Variants in DNAJC18 observed in about 807,000 individuals in gnomAD.
DNAJC18 encodes the protein DnaJ heat shock protein family (Hsp40) member C18.
Under a neutral mutation model 48.6 loss-of-function variants are expected in DNAJC18, and 40 were observed. That is an observed-to-expected ratio of 0.82 (90% CI 0.64 to 1.07). The LOEUF is 1.07. DNAJC18 is among the 50% of genes least tolerant of loss of function. The pLI, the probability that DNAJC18 is intolerant of heterozygous loss-of-function variation, is 0.00. For synonymous variants in DNAJC18, 135 were observed against 152.2 expected, an observed-to-expected ratio of 0.89 and a Z score of 0.83; for missense variants, 340 against 427.7, an observed-to-expected ratio of 0.79 and a Z score of 1.81.
At chr5:139,438,706 C>T (rs1750732672) in intron 1 of DNAJC18, among the ~76,000 whole-genome samples, 1 of 152,204 alleles carries the variant, frequency 6.6e-6, no homozygotes, top group Non-Finnish European at 1.5e-5. Flanking sequence ...TTCTTGTCAC[C>T]ATTTGTAACA....
chr5:139,421,391 G>A (rs1211401015), intron 6 of DNAJC18, among the ~76,000 whole-genome samples: 1 of 152,198 alleles, frequency 6.6e-6, no homozygotes. Context: ...GGGGATTACA[G>A]TGAGCCAAGA....
At chr5:139,417,295 T>C (rs1370535499) in intron 7 of DNAJC18, among the ~76,000 whole-genome samples, 2 of 152,168 alleles carry the variant, frequency 1.3e-5, no homozygotes, top group East Asian at 3.8e-4. Context: ...CTAACCTTGC[T>C]AAAAACAGTT....
intron 5 of DNAJC18, among the ~76,000 whole-genome samples, chr5:139,423,390 C>CTT (rs34518006): frequency 7.1e-6 from 1 of 139,904 alleles, no homozygotes; most frequent in Non-Finnish European, 1.6e-5. Context: ...TTTGGATTTC[C>CTT]TTTTTTTTTT....
At chr5:139,419,836 C>T (rs144365380) in intron 7 of DNAJC18, among the ~76,000 whole-genome samples, 7 of 152,266 alleles carry the variant, frequency 4.6e-5, no homozygotes, top group South Asian at 2.1e-4. Flanking sequence ...TGACTAGTGC[C>T]GCCTAAATTC....
At chr5:139,425,159 C>T in intron 4 of DNAJC18, 45 bp from the exon 5 acceptor site, 1 of 1,532,408 alleles carries the variant, frequency 6.5e-7, no homozygotes, top group Admixed American at 1.8e-5. Context: ...ACACTCCTTC[C>T]CTGCCTTTTT....
intron 2 of DNAJC18, among the ~76,000 whole-genome samples, chr5:139,434,099 C>T (rs920756259): frequency 2.6e-5 from 4 of 152,140 alleles, no homozygotes; most frequent in Non-Finnish European, 5.9e-5. Context: ...CCGTGTTGCC[C>T]AGGCTGGTCT....
At chr5:139,438,150 A>G (rs1005892429) in intron 1 of DNAJC18, among the ~76,000 whole-genome samples, 1 of 151,974 alleles carries the variant, frequency 6.6e-6, no homozygotes, top group Non-Finnish European at 1.5e-5. Flanking sequence ...CTCCGTCTCT[A>G]CTAAAAATAC....
Position 139,439,344 on chromosome 5 carries a change from A to C in DNAJC18, c.40+62T>G. On this transcript the variant is annotated intron_variant, in intron 1 of 7. Coordinates refer to ENST00000302060, the MANE Select transcript of DNAJC18 (RefSeq NM_152686.4). This position sits in a 1 kb window ranked among gnomAD's most constrained non-coding sequence, Gnocchi z 4.1. ...ATCTCAGCCCTTGTGCGTCTTCAGG[A>C]TCCTCATCCCTGATCTCTCCCGAAG... 2 of 1,612,388 alleles carry C rather than the reference A, an allele frequency of 1.2e-6. No homozygotes were observed. Among genetic ancestry groups the C allele is most frequent in the Non-Finnish European group, 1.7e-6 (2 of 1,178,522 alleles).
chr5:139,422,775 T>G lies in DNAJC18; in HGVS notation c.712A>C (p.Ile238Leu), dbSNP rs150021895. ...AFIQLLPVLV[I>L]VIISVITQLL... ...TGAGTAATGACAGATATAATCACAATCACAAGAACTGGAAGTAGCTGAATA... is the reference window on the plus strand; with the variant it reads ...TGAGTAATGACAGATATAATCACAAGCACAAGAACTGGAAGTAGCTGAATA... The change falls in exon 6 of 8, where the codon ATT (isoleucine) becomes CTT (leucine). Residue 238 changes from isoleucine to leucine, a missense_variant. By Grantham distance (5) the Ile-to-Leu change is conservative (BLOSUM62 2). Transcript: ENST00000302060. 13 of 1,609,740 alleles carry G rather than the reference T, an allele frequency of 8.1e-6. No individual in the cohort carries two copies. The highest frequency in any genetic ancestry group is 4.0e-5 in the African/African-American group (3 of 74,440).
chr5:139,437,103 T>C (rs1750680438), intron 2 of DNAJC18, among the ~76,000 whole-genome samples: 1 of 152,172 alleles, frequency 6.6e-6, no homozygotes, highest in Non-Finnish European at 1.5e-5. Flanking sequence ...AAGAAAATCG[T>C]TCTGTTGTTG....
At chr5:139,417,216 C>T (rs1266530886) in intron 7 of DNAJC18, among the ~76,000 whole-genome samples, 8 of 151,438 alleles carry the variant, frequency 5.3e-5, no homozygotes, top group Non-Finnish European at 1.2e-4. Flanking sequence ...AATTTTCACC[C>T]AGATTAAACA....
At chr5:139,432,772 C>A (rs970938614) in intron 2 of DNAJC18, among the ~76,000 whole-genome samples, 14 of 152,228 alleles carry the variant, frequency 9.2e-5, no homozygotes, top group Admixed American at 7.8e-4. Flanking sequence ...AGGCTGGCAG[C>A]TGGTGTTCAT....
rs769383313 is a variant in DNAJC18, at chr5:139,410,383, T to G, written c.*3765A>C. The G allele has an allele frequency of 1.7e-4, 26 of 152,298 alleles. No individual in the cohort carries two copies. The highest frequency in any genetic ancestry group is 3.5e-4 in the Non-Finnish European group (24 of 68,022). The allele number at this position is 152,298 out of a possible 1,614,324, so 9.4% of individuals were successfully genotyped here. A position where few individuals can be genotyped will look rare whatever the true frequency, so the allele number is the denominator to read the frequency against. On this transcript the variant is annotated 3_prime_UTR_variant, in exon 8 of 8. Transcript: ENST00000302060. Reference sequence around the variant, plus strand: ...CTTTAATTCCAAATACTGAGCGTGATGTAAATGATGTAATCAGTATCTAAC... The same window carrying G: ...CTTTAATTCCAAATACTGAGCGTGAGGTAAATGATGTAATCAGTATCTAAC...
chr5:139,412,617 A>C lies in DNAJC18; in HGVS notation c.*1531T>G, dbSNP rs940612517. The stretch of plus-strand genomic sequence containing the variant: ...GAAGGAAGCATGGAGTGTAGGCTAC[A>C]GTCACTTAATGATCCTTCCAAGTTC... On this transcript the variant is annotated 3_prime_UTR_variant, in exon 8 of 8. Transcript: ENST00000302060. 1 of 398,468 alleles carries C rather than the reference A, an allele frequency of 2.5e-6. No individual in the cohort carries two copies. Among genetic ancestry groups the C allele is most frequent in the Non-Finnish European group, 4.4e-6 (1 of 226,110 alleles). 24.7% of individuals were successfully genotyped at this position (398,468 alleles called of 1,614,324 possible). A position where few individuals can be genotyped will look rare whatever the true frequency, so the allele number is the denominator to read the frequency against.
At chr5:139,437,926 G>C (rs1481643939) in intron 1 of DNAJC18, among the ~76,000 whole-genome samples, 1 of 152,210 alleles carries the variant, frequency 6.6e-6, no homozygotes, top group Non-Finnish European at 1.5e-5. Flanking sequence ...TGACCACAAA[G>C]AGGTTAGTTT....
chr5:139,436,963 C>G (rs991253120), intron 2 of DNAJC18, among the ~76,000 whole-genome samples: 39 of 152,076 alleles, frequency 2.6e-4, no homozygotes, highest in African/African-American at 9.2e-4. Flanking sequence ...TTGTGAATTT[C>G]TCAAATTTCC....
rs138637507 is a variant in DNAJC18 at position 139,437,494 on chromosome 5, G to A, written c.105C>T (p.Pro35=). Residue 35 remains proline (P), a synonymous_variant, in exon 2 of 8, where the codon CCC becomes CCT. Coordinates refer to ENST00000302060, the MANE Select transcript of DNAJC18 (RefSeq NM_152686.4). Reference sequence around the variant, plus strand: ...CCTTCATGCAGTTACAGCAGCCACAGGGGTCATGACTCTCAGGAGGTGTGT... The same window carrying A: ...CCTTCATGCAGTTACAGCAGCCACAAGGGTCATGACTCTCAGGAGGTGTGT... ...PEDTPPESHD[P]CGCCNCMKAQ... 58 of 1,614,138 alleles carry A rather than the reference G, an allele frequency of 3.6e-5. No individual in the cohort carries two copies. In the African/African-American group the frequency reaches 5.7e-4, roughly 16 times the overall value.
At chr5:139,435,705 G>GTTTTTTTT (rs377125785) in intron 2 of DNAJC18, among the ~76,000 whole-genome samples, 14,137 of 41,082 alleles carry the variant, frequency 0.34, 5,727 homozygotes, top group Non-Finnish European at 0.43. Flanking sequence ...TTCATTGGAA[G>GTTTTTTTT]TTTTTTTTTT....
chr5:139,425,054 C>T lies in DNAJC18; in HGVS notation c.620G>A (p.Arg207Gln), dbSNP rs201230885. Residue 207 changes from arginine to glutamine, a missense_variant, in exon 5 of 8, where the codon CGA becomes CAA. Transcript: ENST00000302060. ...DDTYYYRRRH[R>Q]HERTQTQKEE... ...CTTCTGAGTCTGTGTCCTCTCATGT[C>T]GGTGCCGTCGACGGTAATAGTAAGT... is the stretch of plus-strand genomic sequence containing the variant. The T allele has an allele frequency of 5.4e-5, 87 of 1,613,276 alleles. No homozygotes were observed. The highest frequency in any genetic ancestry group is 1.6e-4 in the Middle Eastern group (1 of 6,084).
Sources: gnomAD v4.1 joint callset for allele counts (sites outside exome capture counted in the v4.1 genomes callset) on GRCh38, gnomAD v4.1.1 for gene constraint, Gnocchi (gnomAD v3.1) non-coding constraint, MANE v1.5 for transcripts, NCBI Gene and HGNC (gene_info 2026-07-23, HGNC 2026-07-21) for gene names.